Variants in PCSK2 observed in about 807,000 individuals in gnomAD.
PCSK2 encodes proprotein convertase subtilisin/kexin type 2.
Under a neutral mutation model 69.7 loss-of-function variants are expected in PCSK2, and 14 were observed. That is an observed-to-expected ratio of 0.20 (90% CI 0.13 to 0.31). PCSK2 has a LOEUF of 0.31. Ranked by LOEUF, PCSK2 falls within the 10% of genes least tolerant of loss-of-function variation. PCSK2 has a pLI of 1.00. For synonymous variants in PCSK2, 307 were observed against 320.7 expected (o/e 0.96, Z 0.46); for missense variants, 544 against 842.5 (o/e 0.65, Z 4.39).
chr20:17,436,906 C>G, intron 8 of PCSK2, 23 bp downstream of exon 8: 1 of 1,571,230 alleles, frequency 6.4e-7, no homozygotes. Flanking sequence ...GCCCCCTAGG[C>G]CCCGGCCACT....
intron 10 of PCSK2, among the ~76,000 whole-genome samples, chr20:17,461,623 A>C: frequency 6.6e-6 from 1 of 152,234 alleles, no homozygotes; most frequent in East Asian, 1.9e-4. Flanking sequence ...TTCCATTTTC[A>C]ATTTCTCTAA....
chr20:17,356,399 T>G (rs1471597603), intron 2 of PCSK2, among the ~76,000 whole-genome samples: 8 of 152,164 alleles, frequency 5.3e-5, no homozygotes, highest in Non-Finnish European at 1.5e-5. Context: ...ATAGATTTTC[T>G]GGTGTGGCTT....
chr20:17,402,916 C>T (rs2031674189), intron 5 of PCSK2, among the ~76,000 whole-genome samples: 1 of 150,072 alleles, frequency 6.7e-6, no homozygotes, highest in African/African-American at 2.4e-5. Flanking sequence ...AAGATCACGC[C>T]ACTGCACTCC....
intron 5 of PCSK2, among the ~76,000 whole-genome samples, chr20:17,390,093 C>T (rs771684558): frequency 1.5e-4 from 23 of 152,224 alleles, no homozygotes; most frequent in Non-Finnish European, 3.1e-4. Context: ...ACTGCTGCTG[C>T]ATACAGTACA....
intron 5 of PCSK2, among the ~76,000 whole-genome samples, chr20:17,402,359 G>A (rs2031656800): frequency 6.6e-6 from 1 of 152,204 alleles, no homozygotes; most frequent in African/African-American, 2.4e-5. Context: ...CCAAAGGATG[G>A]AGCTGCTTAG....
chr20:17,439,271 G>T (rs1004809114), intron 8 of PCSK2, among the ~76,000 whole-genome samples: 3 of 152,078 alleles, frequency 2.0e-5, no homozygotes, highest in South Asian at 2.1e-4. Context: ...GAGTGGCTGG[G>T]ACTACAGGTG....
At chr20:17,449,522 G>GTATATATATATATATATA (rs1454257085) in intron 8 of PCSK2, among the ~76,000 whole-genome samples, 6 of 72,272 alleles carry the variant, frequency 8.3e-5, no homozygotes, top group South Asian at 1.1e-3. Context: ...ATATATGTAT[G>GTATATATATATATATATA]TATGTATATA....
In PCSK2 at chr20:17,409,277, T is replaced by C; in HGVS notation, c.558T>C (p.Ser186=). ...GTGTTTTTCAGAATGCCGAAGCAAG[T>C]TACGACTTCAGCAGCAACGACCCCT... is the stretch of plus-strand genomic sequence containing the variant. The part of the protein sequence containing the change: ...DLASNYNAEA[S]YDFSSNDPYP... The change falls in exon 6 of 12, where the codon AGT becomes AGC. Residue 186 remains serine (S), a synonymous_variant. Transcript: ENST00000262545. The C allele has an allele frequency of 6.2e-7, 1 of 1,613,892 alleles. No individual in the cohort carries two copies. The highest frequency in any genetic ancestry group is 8.5e-7 in the Non-Finnish European group (1 of 1,179,768).
At chr20:17,245,185 G>A (rs1600405382) in intron 1 of PCSK2, among the ~76,000 whole-genome samples, 1 of 152,280 alleles carries the variant, frequency 6.6e-6, no homozygotes, top group African/African-American at 2.4e-5. Flanking sequence ...CTAGATACAC[G>A]TGGAGGTCAT....
At chr20:17,278,685 C>A (rs145461075) in intron 2 of PCSK2, among the ~76,000 whole-genome samples, 1 of 151,822 alleles carries the variant, frequency 6.6e-6, no homozygotes, top group South Asian at 2.1e-4. Context: ...CAAAGCTGCA[C>A]GCTATGCACA....
chr20:17,251,030 G>A (rs1258000309), intron 1 of PCSK2, among the ~76,000 whole-genome samples: 1 of 152,098 alleles, frequency 6.6e-6, no homozygotes, highest in Non-Finnish European at 1.5e-5. Context: ...AATCCAAGAG[G>A]CGAAGGTTGC....
chr20:17,260,280 G>A lies in PCSK2; in HGVS notation c.218G>A (p.Gly73Asp), dbSNP rs1211284282. 5.0e-6 allele frequency: 8 copies of A among 1,613,590 alleles called. No individual in the cohort carries two copies. In the African/African-American group the frequency reaches 1.1e-4, roughly 22 times the overall value. ...AEGLYHFYHN[G>D]LAKAKRRRSL... ...GGTCTGTACCACTTTTATCACAATG[G>A]CCTTGCAAAGGCCAAGAGAAGACGC... is the stretch of plus-strand genomic sequence containing the variant. Residue 73 changes from glycine to aspartate, a missense_variant, in exon 2 of 12, where the codon GGC becomes GAC. Gly to Asp is a moderately conservative substitution (Grantham distance 94). Transcript: ENST00000262545.
chr20:17,275,344 G>A (rs188762482), intron 2 of PCSK2, among the ~76,000 whole-genome samples: 17 of 152,090 alleles, frequency 1.1e-4, no homozygotes, highest in Non-Finnish European at 2.1e-4. Context: ...TAGGAGTTCC[G>A]AGTTCTAATC....
At chr20:17,429,590 C>A in intron 7 of PCSK2, 67 bp downstream of exon 7, 1 of 1,054,928 alleles carries the variant, frequency 9.5e-7, no homozygotes, top group Non-Finnish European at 1.4e-6. Context: ...TGACTGTGGC[C>A]CAGCAAAAAA....
intron 1 of PCSK2, among the ~76,000 whole-genome samples, chr20:17,249,849 G>C (rs1986909874): frequency 6.6e-6 from 1 of 152,152 alleles, no homozygotes; most frequent in South Asian, 2.1e-4. Context: ...GGGGGGAATG[G>C]AGAGTTACTG....
intron 5 of PCSK2, among the ~76,000 whole-genome samples, chr20:17,403,936 T>C (rs1248769521): frequency 6.6e-6 from 1 of 152,196 alleles, no homozygotes; most frequent in African/African-American, 2.4e-5. Context: ...GCCATTTGTG[T>C]GAAATTGAAA....
At chr20:17,270,445 A>G (rs1384295994) in intron 2 of PCSK2, among the ~76,000 whole-genome samples, 1 of 152,128 alleles carries the variant, frequency 6.6e-6, no homozygotes, top group Non-Finnish European at 1.5e-5. Context: ...AAATGAGTAA[A>G]CAGCAGTTAG....
intron 6 of PCSK2, among the ~76,000 whole-genome samples, chr20:17,410,965 C>A (rs6080684): frequency 0.48 from 72,936 of 152,028 alleles, 18,716 homozygotes; most frequent in South Asian, 0.65. Flanking sequence ...CTAAATTAGT[C>A]TTTGATGGAT....
intron 2 of PCSK2, among the ~76,000 whole-genome samples, chr20:17,272,990 C>A (rs548191287): frequency 2.0e-5 from 3 of 152,228 alleles, no homozygotes; most frequent in Admixed American, 6.5e-5. Flanking sequence ...AATTTGAATT[C>A]TGTTGATAAC....
Sources: gnomAD v4.1 joint callset for allele counts (sites outside exome capture counted in the v4.1 genomes callset) on GRCh38, gnomAD v4.1.1 for gene constraint, MANE v1.5 for transcripts, NCBI Gene and HGNC (gene_info 2026-07-23, HGNC 2026-07-21) for gene names.